The following SORL1 variants were observed in gnomAD, a reference collection of about 807,000 sequenced individuals.
SORL1 encodes the protein sortilin-related receptor.
A neutral mutation model predicts 273.7 loss-of-function variants in SORL1; 127 were observed. The observed-to-expected ratio is 0.46, with a 90% CI of 0.40 to 0.54. SORL1 has a LOEUF of 0.54. Ranked by LOEUF, SORL1 falls within the 20% of genes least tolerant of loss-of-function variation. The pLI is 0.00. For synonymous variants in SORL1, 1,031 were observed against 1,067.4 expected, an observed-to-expected ratio of 0.97 and a Z score of 0.66; for missense variants, 2,494 against 2,846.1, an observed-to-expected ratio of 0.88 and a Z score of 2.81.
chr11:121,538,774 G>T (rs1486593173), intron 12 of SORL1, among the ~76,000 whole-genome samples: 1 of 152,088 alleles, frequency 6.6e-6, no homozygotes, highest in Non-Finnish European at 1.5e-5. Context: ...CGCCTCCCAG[G>T]TTCAAGCGAT....
intron 31 of SORL1, among the ~76,000 whole-genome samples, chr11:121,592,334 A>G (rs1054622211): frequency 1.3e-5 from 2 of 152,222 alleles, no homozygotes; most frequent in Admixed American, 6.5e-5. Flanking sequence ...AGACCACCCT[A>G]ATGGAATCGC....
rs772942586 is a variant in SORL1 at position 121,478,140 on chromosome 11, G to A, written c.425G>A (p.Gly142Glu). Reference sequence around the variant, plus strand: ...CAGGTGTACGTGTCTTACGACTATGGAAAATCATTCAAGAAAATTTCAGAC... The same window carrying A: ...CAGGTGTACGTGTCTTACGACTATGAAAAATCATTCAAGAAAATTTCAGAC... ...SSDVYVSYDY[G>E]KSFKKISDKL... is the part of the protein sequence containing the mutation. The change falls in exon 3 of 48, where the codon GGA (glycine) becomes GAA (glutamate). Residue 142 changes from glycine to glutamate, a missense_variant. Physicochemically the swap from Gly to Glu is moderately conservative, Grantham distance 98. This residue lies in a region of SORL1 where 710 missense variants were observed against 882.5 expected (regional missense o/e 0.80). Coordinates refer to ENST00000260197, the MANE Select transcript of SORL1 (RefSeq NM_003105.6). 6.2e-7 allele frequency: 1 copy of A among 1,613,750 alleles called. No homozygotes were observed. The highest frequency in any genetic ancestry group is 8.5e-7 in the Non-Finnish European group (1 of 1,179,870).
At chr11:121,586,693 T>TGGGGGGGGGGGGGGGGGGGGGGGGG (rs376563096) in intron 27 of SORL1, among the ~76,000 whole-genome samples, 1 of 97,158 alleles carries the variant, frequency 1.0e-5, no homozygotes, top group African/African-American at 3.9e-5. Context: ...GGGGGTAGAG[T>TGGGGGGGGGGGGGGGGGGGGGGGGG]GGGGGGGGGG....
intron 26 of SORL1, among the ~76,000 whole-genome samples, chr11:121,584,730 C>T (rs1863068659): frequency 6.6e-6 from 1 of 152,058 alleles, no homozygotes; most frequent in African/African-American, 2.4e-5. Context: ...TAGCTGGGAC[C>T]ACAGGGGTTG....
intron 4 of SORL1, 90 bp downstream of exon 4, chr11:121,488,283 C>T: frequency 8.1e-7 from 1 of 1,241,948 alleles, no homozygotes; most frequent in Non-Finnish European, 1.1e-6. Context: ...GTGACCTCGC[C>T]TCCTGCCTCT....
chr11:121,521,627 A>G (rs757569929), intron 9 of SORL1, among the ~76,000 whole-genome samples: 5 of 152,192 alleles, frequency 3.3e-5, no homozygotes, highest in African/African-American at 1.2e-4. Context: ...AAACTCTTCA[A>G]TGAATAGACT....
chr11:121,566,825 G>A, intron 21 of SORL1, 115 bp from the exon 22 acceptor site: 1 of 1,005,950 alleles, frequency 9.9e-7, no homozygotes, highest in South Asian at 1.7e-5. Flanking sequence ...ACCCTTGAGA[G>A]CTTCTCGCTG....
intron 8 of SORL1, among the ~76,000 whole-genome samples, chr11:121,518,212 G>A (rs960883752): frequency 2.6e-5 from 4 of 152,350 alleles, no homozygotes; most frequent in African/African-American, 7.2e-5. Flanking sequence ...GGCTATAGGG[G>A]ACCTGGTGAG....
intron 3 of SORL1, among the ~76,000 whole-genome samples, chr11:121,485,336 G>A (rs916867749): frequency 1.3e-5 from 2 of 152,208 alleles, no homozygotes; most frequent in African/African-American, 4.8e-5. Flanking sequence ...TGTTAAAAGA[G>A]CTGTTAAGGG....
Position 121,554,027 on chromosome 11 carries a change from G to T in SORL1, c.2357G>T (p.Gly786Val). ...GCCACCGAGCAGTTGCCTCTCACCGGGCTACGGGCAGCAGTGGCCCTGGAC... is the reference window on the plus strand; with the variant it reads ...GCCACCGAGCAGTTGCCTCTCACCGTGCTACGGGCAGCAGTGGCCCTGGAC... The part of the protein sequence containing the change: ...SGATEQLPLT[G>V]LRAAVALDFD... Residue 786 changes from glycine to valine, a missense_variant, in exon 17 of 48, where the codon GGG becomes GTG. Coordinates refer to ENST00000260197, the MANE Select transcript of SORL1 (RefSeq NM_003105.6). This position sits in a 1 kb window ranked among gnomAD's most constrained non-coding sequence, Gnocchi z 4.6. 1 of 1,614,160 alleles carries T rather than the reference G, an allele frequency of 6.2e-7. No individual in the cohort carries two copies. The highest frequency in any genetic ancestry group is 1.3e-5 in the African/African-American group (1 of 75,040).
chr11:121,462,247 C>CACT (rs1861011331), intron 1 of SORL1, among the ~76,000 whole-genome samples: 1 of 152,112 alleles, frequency 6.6e-6, no homozygotes, highest in South Asian at 2.1e-4. Context: ...CACATAATTC[C>CACT]ACTTTCTCCT....
In SORL1 at chr11:121,514,217, C is replaced by G. The variant is rs983891913; in HGVS notation, c.1107C>G (p.Arg369=). 7 of 1,614,090 alleles carry G rather than the reference C, an allele frequency of 4.3e-6. No homozygotes were observed. The highest frequency in any genetic ancestry group is 5.9e-6 in the Non-Finnish European group (7 of 1,180,036). ...VFVCVSHSNN[R]TNLYISEAEG... ...TGTGTGTCAGCCACAGTAACAACCG[C>G]ACCAATTTATACATCTCAGAGGCAG... Residue 369 remains arginine (R), a synonymous_variant, in exon 8 of 48, where the codon CGC becomes CGG. Transcript: ENST00000260197.
At chr11:121,581,554 A>T (rs1186180773) in intron 25 of SORL1, among the ~76,000 whole-genome samples, 1 of 152,230 alleles carries the variant, frequency 6.6e-6, no homozygotes, top group East Asian at 1.9e-4. Flanking sequence ...ATTAAAAAAA[A>T]AATATGTATT....
At position 121,554,217 on chromosome 11, in the gene SORL1, G is replaced by C. The variant is rs775049916; in HGVS notation, c.2439+108G>C. 3 of 953,268 alleles carry C rather than the reference G, an allele frequency of 3.1e-6. No homozygotes were observed. The highest frequency in any genetic ancestry group is 4.7e-6 in the Non-Finnish European group (3 of 640,072). The allele number at this position is 953,268 out of a possible 1,614,324, so 59.1% of individuals were successfully genotyped here. A position where few individuals can be genotyped will look rare whatever the true frequency, so the allele number is the denominator to read the frequency against. On this transcript the variant is annotated intron_variant, in intron 17 of 47. Transcript: ENST00000260197. The surrounding 1 kb of genome is among the most constrained non-coding windows in gnomAD (Gnocchi z 4.6). ...GAAATGGGCAGTTAGAAGTTTGTAA[G>C]TGTTACTCATCTCAGGGCTGACAGG... is the stretch of plus-strand genomic sequence containing the variant.
rs1433524842 is a variant in SORL1 at position 121,612,753 on chromosome 11, G to A, written c.5340G>A (p.Val1780=). Reference sequence around the variant, plus strand: ...CTCGGCAGGTGAATGGCTATGTGGTGAACCTTTTCTGGGCATTTGACACCC... The same window carrying A: ...CTCGGCAGGTGAATGGCTATGTGGTAAACCTTTTCTGGGCATTTGACACCC... ...ESDIKVNGYV[V]NLFWAFDTHK... Residue 1780 remains valine (V), a synonymous_variant, in exon 40 of 48, where the codon GTG becomes GTA. Coordinates refer to ENST00000260197, the MANE Select transcript of SORL1 (RefSeq NM_003105.6). 1.2e-6 allele frequency: 2 copies of A among 1,614,048 alleles called. No homozygotes were observed.
chr11:121,612,958 T>G lies in SORL1; in HGVS notation c.5419+126T>G. On this transcript the variant is annotated intron_variant, in intron 40 of 47. Coordinates refer to ENST00000260197, the MANE Select transcript of SORL1 (RefSeq NM_003105.6). ...GTATTCTCTGGAAGCTGTTCTGTGTTGACAGGTTCTTGTGCATTGAGGATC... is the reference window on the plus strand; with the variant it reads ...GTATTCTCTGGAAGCTGTTCTGTGTGGACAGGTTCTTGTGCATTGAGGATC... 4.6e-6 allele frequency: 3 copies of G among 657,124 alleles called. No homozygotes were observed. In the South Asian group the frequency reaches 5.4e-5, roughly 12 times the overall value. The allele number at this position is 657,124 out of a possible 1,614,324, so 40.7% of individuals were successfully genotyped here. A position where few individuals can be genotyped will look rare whatever the true frequency, so the allele number is the denominator to read the frequency against.
chr11:121,600,874 TG>T (rs1343723054), intron 32 of SORL1, among the ~76,000 whole-genome samples: 6 of 150,874 alleles, frequency 4.0e-5, no homozygotes, highest in African/African-American at 1.2e-4. Flanking sequence ...CAGATTCTAT[TG>T]TTTTTTTGTT....
chr11:121,458,747 A>C (rs567193397), intron 1 of SORL1, among the ~76,000 whole-genome samples: 1 of 152,340 alleles, frequency 6.6e-6, no homozygotes. Flanking sequence ...TCAAGCGCTG[A>C]AGTGGCTGAT....
rs963355311 is a variant in SORL1 at position 121,581,379 on chromosome 11, T to C, written c.3581-2079T>C. 6.6e-5 allele frequency among the ~76,000 whole-genome samples: 10 copies of C among 152,338 alleles called. No homozygotes were observed. In the South Asian group the frequency reaches 8.3e-4, roughly 13 times the overall value. On this transcript the variant is annotated intron_variant, in intron 25 of 47. Transcript: ENST00000260197. ...GTTCTGCCTGAGTCAAAGATTAAGT[T>C]GTAGGATATTGACCTATATTAGAAA...
Sources: allele counts gnomAD v4.1 joint callset (sites outside exome capture counted in the v4.1 genomes callset), GRCh38; gene constraint gnomAD v4.1.1; regional missense constraint gnomAD v4.1.1; non-coding constraint Gnocchi (gnomAD v3.1); transcripts MANE v1.5; gene names NCBI Gene and HGNC (gene_info 2026-07-23, HGNC 2026-07-21).